Variants in EDIL3 observed in about 807,000 individuals in gnomAD.
The protein encoded by EDIL3 is EGF like and discoidin domains 3, also known as EGF-like repeat and discoidin I-like domain-containing protein 3.
A neutral mutation model predicts 67.4 loss-of-function variants in EDIL3; 37 were observed. The observed-to-expected ratio is 0.55, with a 90% CI of 0.42 to 0.72. The LOEUF (loss-of-function observed/expected upper bound fraction) is 0.72. Among genes scored for constraint, EDIL3 ranks in the 30% least tolerant of loss-of-function variants. The pLI is 0.00. For synonymous variants in EDIL3, 195 were observed against 196.3 expected (o/e 0.99, Z 0.05); for missense variants, 527 against 586.3 (o/e 0.90, Z 1.04).
intron 4 of EDIL3, among the ~76,000 whole-genome samples, chr5:84,144,216 C>T (rs1289550632): frequency 1.3e-5 from 2 of 151,954 alleles, no homozygotes; most frequent in Non-Finnish European, 2.9e-5. Flanking sequence ...GCACATCCAT[C>T]CATCCACCCT....
At chr5:84,228,769 T>G (rs902394401) in intron 3 of EDIL3, among the ~76,000 whole-genome samples, 3 of 152,144 alleles carry the variant, frequency 2.0e-5, no homozygotes, top group African/African-American at 7.2e-5. Flanking sequence ...ACAGGTAAAA[T>G]CCTTGTCCAG....
intron 10 of EDIL3, among the ~76,000 whole-genome samples, chr5:83,949,677 A>C (rs549901237): frequency 2.0e-5 from 3 of 151,936 alleles, no homozygotes; most frequent in Admixed American, 1.3e-4. Context: ...AGGATGTGTC[A>C]AATCTAGTGT....
At chr5:83,955,371 G>A (rs6897027) in intron 10 of EDIL3, among the ~76,000 whole-genome samples, 15,056 of 151,274 alleles carry the variant, frequency 0.1, 1,019 homozygotes, top group East Asian at 0.29. Flanking sequence ...TGATAATACT[G>A]CTATGTAACA....
chr5:84,204,928 TC>T (rs1743931441), intron 3 of EDIL3, among the ~76,000 whole-genome samples: 1 of 152,190 alleles, frequency 6.6e-6, no homozygotes, highest in South Asian at 2.1e-4. Flanking sequence ...TGTGTGTGTT[TC>T]TGAGACAGAG....
At chr5:84,317,763 T>A (rs1183840810) in intron 1 of EDIL3, among the ~76,000 whole-genome samples, 2 of 152,170 alleles carry the variant, frequency 1.3e-5, no homozygotes, top group Non-Finnish European at 2.9e-5. Context: ...AAGACAAGGA[T>A]GCCCTCTCTC....
intron 6 of EDIL3, among the ~76,000 whole-genome samples, chr5:84,093,930 T>C (rs1469790212): frequency 6.6e-6 from 1 of 152,164 alleles, no homozygotes; most frequent in Non-Finnish European, 1.5e-5. Flanking sequence ...ATTGCTGGGA[T>C]TACAGGTTTG....
intron 6 of EDIL3, among the ~76,000 whole-genome samples, chr5:84,096,888 T>C (rs764914037): frequency 3.3e-5 from 5 of 152,182 alleles, no homozygotes; most frequent in Non-Finnish European, 5.9e-5. Flanking sequence ...TGATAGTGAA[T>C]AAGTTACAAG....
Position 84,037,988 on chromosome 5 carries a change from GTTTTT to G in EDIL3, c.1137+22307_1137+22311del, listed in dbSNP as rs67762520. Among the ~76,000 whole-genome samples, 342 of 99,698 alleles carry G rather than the reference GTTTTT, an allele frequency of 3.4e-3. 10 individuals are homozygous for G. The South Asian group carries it at 0.1, about 31-fold the overall frequency. 65.4% of individuals were successfully genotyped at this position (99,698 alleles called of 152,430 possible). A position where few individuals can be genotyped will look rare whatever the true frequency, so the allele number is the denominator to read the frequency against. The stretch of plus-strand genomic sequence containing the variant: ...TTCTCTTTTCTTTTCTTTCTTTCTT[GTTTTT>G]TTTTTTTTTTTTTTTTTTGAGACAG... On this transcript the variant is annotated intron_variant, in intron 9 of 10. Transcript: ENST00000296591.
intron 1 of EDIL3, among the ~76,000 whole-genome samples, chr5:84,267,952 C>T (rs894793656): frequency 1.3e-5 from 2 of 152,088 alleles, no homozygotes; most frequent in Non-Finnish European, 2.9e-5. Context: ...GCCTGGGCAA[C>T]ATGTTGAAAC....
At chr5:84,382,326 G>C (rs1283508948) in intron 1 of EDIL3, among the ~76,000 whole-genome samples, 2 of 152,196 alleles carry the variant, frequency 1.3e-5, no homozygotes, top group Non-Finnish European at 2.9e-5. Context: ...CCCTCGGCGC[G>C]GGTATCTTCA....
intron 9 of EDIL3, among the ~76,000 whole-genome samples, chr5:84,057,692 G>A (rs982715362): frequency 6.6e-6 from 1 of 152,042 alleles, no homozygotes; most frequent in African/African-American, 2.4e-5. Flanking sequence ...TTGAAAAATT[G>A]AGAATATGTA....
intron 1 of EDIL3, among the ~76,000 whole-genome samples, chr5:84,286,176 T>C (rs568347144): frequency 2.0e-5 from 3 of 152,266 alleles, no homozygotes; most frequent in African/African-American, 4.8e-5. Flanking sequence ...GCATAGGCAG[T>C]AGATTGCAGT....
At chr5:84,127,259 T>C (rs1747884676) in intron 5 of EDIL3, among the ~76,000 whole-genome samples, 1 of 152,124 alleles carries the variant, frequency 6.6e-6, no homozygotes, top group African/African-American at 2.4e-5. Context: ...ATTTACTGAC[T>C]TTGCTCTGGC....
chr5:84,000,917 A>T (rs937375170), intron 9 of EDIL3, among the ~76,000 whole-genome samples: 1 of 151,902 alleles, frequency 6.6e-6, no homozygotes, highest in African/African-American at 2.4e-5. Context: ...AATAAAATTT[A>T]AAAATTTTTT....
At chr5:84,362,918 A>G (rs1747641890) in intron 1 of EDIL3, among the ~76,000 whole-genome samples, 1 of 152,186 alleles carries the variant, frequency 6.6e-6, no homozygotes, top group Non-Finnish European at 1.5e-5. Context: ...CTTCCCAAAG[A>G]ACAGACAGAA....
chr5:84,324,085 T>G (rs921442808), intron 1 of EDIL3, among the ~76,000 whole-genome samples: 2 of 151,760 alleles, frequency 1.3e-5, no homozygotes, highest in African/African-American at 4.8e-5. Context: ...TACAGAACAT[T>G]CTACCCAACA....
At chr5:84,311,083 C>A (rs908596442) in intron 1 of EDIL3, among the ~76,000 whole-genome samples, 3 of 151,748 alleles carry the variant, frequency 2.0e-5, no homozygotes, top group African/African-American at 4.8e-5. Context: ...GATGAATATG[C>A]CAATTTATTT....
intron 6 of EDIL3, among the ~76,000 whole-genome samples, chr5:84,080,888 T>C (rs1455075509): frequency 1.3e-5 from 2 of 152,258 alleles, no homozygotes; most frequent in Non-Finnish European, 2.9e-5. Flanking sequence ...CTAGTTCTGA[T>C]GCTCCAGATA....
intron 1 of EDIL3, among the ~76,000 whole-genome samples, chr5:84,354,241 A>G (rs1189577321): frequency 6.6e-6 from 1 of 152,210 alleles, no homozygotes; most frequent in Non-Finnish European, 1.5e-5. Context: ...CTAGGAAGAA[A>G]GCCATGTGAG....
Sources: gnomAD v4.1 joint callset for allele counts (sites outside exome capture counted in the v4.1 genomes callset) on GRCh38, gnomAD v4.1.1 for gene constraint, MANE v1.5 for transcripts, NCBI Gene and HGNC (gene_info 2026-07-23, HGNC 2026-07-21) for gene names.